The following IL7 variants were observed in gnomAD, a reference collection of about 807,000 sequenced individuals.
IL7 encodes interleukin-7.
IL7 carries 3 observed loss-of-function variants against 21.6 expected under a neutral mutation model. That is an observed-to-expected ratio of 0.14 (90% CI 0.06 to 0.36). The LOEUF is 0.36. IL7 is among the 10% of genes least tolerant of loss of function. IL7 has a pLI of 1.00. For synonymous variants in IL7, 62 were observed against 68.1 expected (o/e 0.91, Z 0.44); for missense variants, 175 against 200.2 (o/e 0.87, Z 0.76).
chr8:78,710,209 T>C (rs1810909808), intron 3 of IL7, among the ~76,000 whole-genome samples: 1 of 152,188 alleles, frequency 6.6e-6, no homozygotes, highest in Admixed American at 6.5e-5. Context: ...CAACTTAGAA[T>C]GTAAGTTATT....
chr8:78,710,419 A>T lies in IL7; in HGVS notation n.214+10929T>A, dbSNP rs534382108. Among the ~76,000 whole-genome samples, 3 of 152,230 alleles carry T rather than the reference A, an allele frequency of 2.0e-5. No individual in the cohort carries two copies. The East Asian group carries it at 5.8e-4, about 29-fold the overall frequency. Reference sequence around the variant, plus strand: ...ATATTGGCAATCTTTTTATATATGTAATGTTTCCATTGGATAATTACCTTT... The same window carrying T: ...ATATTGGCAATCTTTTTATATATGTTATGTTTCCATTGGATAATTACCTTT... On this transcript the variant is annotated intron_variant and non_coding_transcript_variant, in intron 3 of 4. Coordinates refer to the IL7 transcript ENST00000523959.
intron 5 of IL7, among the ~76,000 whole-genome samples, chr8:78,720,869 G>A (rs982032736): frequency 1.3e-5 from 2 of 151,800 alleles, no homozygotes; most frequent in African/African-American, 4.8e-5. Flanking sequence ...GTAGGTTATA[G>A]TTTCATTTAA....
At chr8:78,789,930 A>C (rs1236533025) in intron 2 of IL7, among the ~76,000 whole-genome samples, 1 of 152,156 alleles carries the variant, frequency 6.6e-6, no homozygotes, top group Non-Finnish European at 1.5e-5. Context: ...ACTATTATGC[A>C]TGAGGTGCCA....
rs1477157933 is a variant in IL7, at chr8:78,805,212, G to T, written c.-290C>A. On this transcript the variant is annotated 5_prime_UTR_variant, in exon 1 of 6. Transcript: ENST00000263851. ...TTTCTACTTTGCGCTTGGTCTGCAGGTTCAATCTTTGGGATCATCAGCATG... is the reference window on the plus strand; with the variant it reads ...TTTCTACTTTGCGCTTGGTCTGCAGTTTCAATCTTTGGGATCATCAGCATG... 8.1e-6 allele frequency: 3 copies of T among 369,074 alleles called. No individual in the cohort carries two copies. In the East Asian group the frequency reaches 1.4e-4, roughly 17 times the overall value. The allele number at this position is 369,074 out of a possible 1,614,324, so 22.9% of individuals were successfully genotyped here.
intron 3 of IL7, among the ~76,000 whole-genome samples, chr8:78,700,365 C>T: frequency 6.7e-6 from 1 of 149,884 alleles, no homozygotes; most frequent in Middle Eastern, 3.4e-3. Context: ...TTGTTTTTTT[C>T]TTGTAAGTTT....
intron 3 of IL7, among the ~76,000 whole-genome samples, chr8:78,698,762 TTAGTC>T (rs1032503881): frequency 2.0e-5 from 3 of 152,190 alleles, no homozygotes; most frequent in Non-Finnish European, 2.9e-5. Context: ...TTCTGGGAAT[TTAGTC>T]TAAGGAAATA....
chr8:78,740,041 T>G lies in IL7; in HGVS notation c.189A>C (p.Glu63Asp). Residue 63 changes from glutamate (E) to aspartate (D), a missense_variant, in exon 3 of 6, where the codon GAA becomes GAC. Transcript: ENST00000263851. ...AGATATGTCTTTTAAAAAAGTTAAA[T>G]TCATTATTCAGGCAATTGCTACCAA... ...KEIGSNCLNNEFNFFKRHICD... is the reference protein window; with the variant it reads ...KEIGSNCLNNDFNFFKRHICD... The G allele has an allele frequency of 1.3e-6, 2 of 1,539,082 alleles. No individual in the cohort carries two copies. Among genetic ancestry groups the G allele is most frequent in the Non-Finnish European group, 1.7e-6 (2 of 1,147,540 alleles).
chr8:78,695,882 T>C (rs1563631478), intron 3 of IL7, among the ~76,000 whole-genome samples: 1 of 152,230 alleles, frequency 6.6e-6, no homozygotes, highest in Non-Finnish European at 1.5e-5. Flanking sequence ...TTTAACTTTT[T>C]AAAAATTCAC....
At chr8:78,700,531 G>T (rs1246692084) in intron 3 of IL7, among the ~76,000 whole-genome samples, 1 of 151,996 alleles carries the variant, frequency 6.6e-6, no homozygotes, top group African/African-American at 2.4e-5. Context: ...TTGTCAATTT[G>T]TGTTTTTGTT....
intron 2 of IL7, among the ~76,000 whole-genome samples, chr8:78,757,288 C>T (rs1371231521): frequency 6.6e-6 from 1 of 151,864 alleles, no homozygotes; most frequent in Non-Finnish European, 1.5e-5. Context: ...TTTTTTGAGA[C>T]TTGTTTTGTG....
At chr8:78,800,091 A>C (rs12677655) in intron 1 of IL7, among the ~76,000 whole-genome samples, 1 of 151,776 alleles carries the variant, frequency 6.6e-6, no homozygotes, top group Non-Finnish European at 1.5e-5. Context: ...CCCACCTTTC[A>C]AAGTCTCCAA....
chr8:78,781,522 T>C (rs1455172195), intron 2 of IL7, among the ~76,000 whole-genome samples: 1 of 152,184 alleles, frequency 6.6e-6, no homozygotes, highest in African/African-American at 2.4e-5. Flanking sequence ...ACATTTTTCT[T>C]TTAAGAGTGT....
At chr8:78,736,714 A>T (rs1397610756) in intron 4 of IL7, among the ~76,000 whole-genome samples, 187 bp from the exon 5 acceptor site, 2 of 152,174 alleles carry the variant, frequency 1.3e-5, no homozygotes, top group Non-Finnish European at 2.9e-5. Context: ...GTAAAGGAAG[A>T]AGCAAGATAG....
Position 78,761,658 on chromosome 8 carries a change from AG to A in IL7, c.148-21577del, listed in dbSNP as rs1034140535. ...TCAGTGATAATGGAAAAGACGTGTG[AG>A]TCTCTCACTTCCCTGAGAGTTTCTT... On this transcript the variant is annotated intron_variant, in intron 2 of 5. Transcript: ENST00000263851. 568 of 1,611,894 alleles carry A rather than the reference AG, an allele frequency of 3.5e-4. 2 individuals are homozygous for A. Among genetic ancestry groups the A allele is most frequent in the Non-Finnish European group, 4.5e-4 (533 of 1,179,854 alleles).
At chr8:78,714,506 C>T (rs1811038496), downstream of IL7, among the ~76,000 whole-genome samples, 1 of 152,106 alleles carries the variant, frequency 6.6e-6, no homozygotes, top group Non-Finnish European at 1.5e-5. Context: ...CTCAGACTTG[C>T]TGTCACAAAG....
At chr8:78,698,517 A>G (rs771006920) in intron 3 of IL7, 8 of 1,578,594 alleles carry the variant, frequency 5.1e-6, no homozygotes, top group Non-Finnish European at 6.9e-6. Context: ...ATGCAGGGTA[A>G]GTCTACACTG....
chr8:78,793,173 T>C (rs1813748580), intron 2 of IL7, among the ~76,000 whole-genome samples: 1 of 152,146 alleles, frequency 6.6e-6, no homozygotes, highest in South Asian at 2.1e-4. Flanking sequence ...AGATGTGAAA[T>C]GTCCAGAATA....
chr8:78,696,352 A>G (rs1220594430), intron 3 of IL7, among the ~76,000 whole-genome samples: 1 of 152,144 alleles, frequency 6.6e-6, no homozygotes, highest in Non-Finnish European at 1.5e-5. Context: ...CCAATTTTTC[A>G]CATGAAATCT....
intron 3 of IL7, among the ~76,000 whole-genome samples, chr8:78,696,717 GCT>G (rs1810428716): frequency 6.6e-6 from 1 of 152,158 alleles, no homozygotes; most frequent in South Asian, 2.1e-4. Flanking sequence ...GCCAGAATTA[GCT>G]CTTTCTCTTC....
Sources: allele counts gnomAD v4.1 joint callset (sites outside exome capture counted in the v4.1 genomes callset), GRCh38; gene constraint gnomAD v4.1.1; transcripts MANE v1.5; gene names NCBI Gene and HGNC (gene_info 2026-07-23, HGNC 2026-07-21).